Variants in GAL observed in about 807,000 individuals in gnomAD.
GAL encodes galanin peptides.
Under a neutral mutation model 15.8 loss-of-function variants are expected in GAL, and 14 were observed. The observed-to-expected ratio is 0.89, with a 90% confidence interval of 0.59 to 1.39. The LOEUF is 1.39. Ranked by LOEUF, GAL falls within the 40% of genes most tolerant of loss-of-function variation. The pLI is 0.00. For missense variants in GAL, 176 were observed against 170.4 expected, an observed-to-expected ratio of 1.03 and a Z score of -0.18; for synonymous variants, 79 against 73.8, an observed-to-expected ratio of 1.07 and a Z score of -0.36.
chr11:68,690,881 G>T, intron 5 of GAL, 36 bp from the exon 6 acceptor site: 1 of 1,386,742 alleles, frequency 7.2e-7, no homozygotes, highest in Non-Finnish European at 1.0e-6. Flanking sequence ...TGCATATTAA[G>T]AAGTTGCTGC....
intron 5 of GAL, among the ~76,000 whole-genome samples, 194 bp downstream of exon 5, chr11:68,689,120 G>A (rs1326568671): frequency 6.6e-6 from 1 of 152,118 alleles, no homozygotes; most frequent in South Asian, 2.1e-4. Context: ...CTGGGATTGC[G>A]GCAGGGGCAT....
At position 68,690,939 on chromosome 11, in the gene GAL, C is replaced by G. The variant is rs953353600; in HGVS notation, c.324C>G (p.Leu108=). The G allele has an allele frequency of 4.3e-6, 7 of 1,613,284 alleles. No homozygotes were observed. Among genetic ancestry groups the G allele is most frequent in the Non-Finnish European group, 5.1e-6 (6 of 1,179,628 alleles). Residue 108 remains leucine (L), a synonymous_variant, in exon 6 of 6, where the codon CTC becomes CTG. Coordinates refer to ENST00000265643, the MANE Select transcript of GAL (RefSeq NM_015973.5). ...CAGAGGCCGGTGCCCTCGACCGCCT[C>G]CTGGATCTCCCCGCCGCAGCCTCCT... The part of the protein sequence containing the change: ...HLKEAGALDR[L]LDLPAAASSE...
chr11:68,690,664 T>C (rs980523477), intron 5 of GAL, among the ~76,000 whole-genome samples: 7 of 152,208 alleles, frequency 4.6e-5, no homozygotes, highest in Non-Finnish European at 8.8e-5. Flanking sequence ...CAGCTCTCAT[T>C]ACTCAGCTAG....
chr11:68,685,756 C>G (rs1945846796), intron 3 of GAL, 108 bp downstream of exon 3: 1 of 749,530 alleles, frequency 1.3e-6, no homozygotes, highest in South Asian at 1.5e-5. Context: ...TCTGGCCTCC[C>G]TCTTGACCTC....
chr11:68,688,912 T>A lies in GAL; in HGVS notation c.287T>A (p.Phe96Tyr), dbSNP rs1945879837. 5.3e-6 allele frequency: 8 copies of A among 1,518,848 alleles called. No homozygotes were observed. The highest frequency in any genetic ancestry group is 7.3e-6 in the Non-Finnish European group (8 of 1,093,198). 94.1% of individuals were successfully genotyped at this position (1,518,848 alleles called of 1,614,324 possible). A position where few individuals can be genotyped will look rare whatever the true frequency, so the allele number is the denominator to read the frequency against. ...CGCACAATCATTGAGTTTCTGTCTT[T>A]CTTGCATCTCAAAGGTATGTGAAAT... ...IMRTIIEFLS[F>Y]LHLKEAGALD... The change falls in exon 5 of 6, where the codon TTC (phenylalanine) becomes TAC (tyrosine). Residue 96 changes from phenylalanine to tyrosine, a missense_variant. Phe to Tyr is a conservative substitution (Grantham distance 22). Transcript: ENST00000265643.
chr11:68,685,469 G>A (rs1945842835), intron 2 of GAL, 125 bp from the exon 3 acceptor site: 2 of 695,618 alleles, frequency 2.9e-6, no homozygotes, highest in South Asian at 1.5e-5. Context: ...CTGGAATTTC[G>A]CGAGCTATCC....
chr11:68,685,684 C>T (rs756164130), intron 3 of GAL, 36 bp downstream of exon 3: 12 of 1,472,032 alleles, frequency 8.2e-6, no homozygotes, highest in African/African-American at 2.8e-5. Flanking sequence ...CCACTCCTGA[C>T]CCCACCTGCC....
intron 3 of GAL, among the ~76,000 whole-genome samples, chr11:68,687,633 T>A (rs903683870): frequency 2.0e-5 from 3 of 152,156 alleles, no homozygotes; most frequent in African/African-American, 7.2e-5. Context: ...AGGACCCAGC[T>A]CCTGTTGTCT....
rs1469538568 is a variant in GAL at position 68,684,839 on chromosome 11, C to G, written c.1-85C>G. The G allele has an allele frequency of 4.9e-6, 4 of 812,650 alleles. No individual in the cohort carries two copies. The East Asian group carries it at 1.1e-4, about 22-fold the overall frequency. 50.3% of individuals were successfully genotyped at this position (812,650 alleles called of 1,614,324 possible). ...GGCCCTGGCCCGGCCGCCGCCTCTG[C>G]TCCTCCCCGCAGCCCCGGCACTCCT... On this transcript the variant is annotated intron_variant, in intron 1 of 5. Coordinates refer to ENST00000265643, the MANE Select transcript of GAL (RefSeq NM_015973.5).
chr11:68,688,618 G>A (rs1299686369), intron 4 of GAL, among the ~76,000 whole-genome samples: 2 of 152,180 alleles, frequency 1.3e-5, no homozygotes, highest in Non-Finnish European at 2.9e-5. Context: ...AACAGAGTGA[G>A]ACTCCATCTC....
At chr11:68,690,327 A>T (rs1314572481) in intron 5 of GAL, among the ~76,000 whole-genome samples, 1 of 152,198 alleles carries the variant, frequency 6.6e-6, no homozygotes, top group African/African-American at 2.4e-5. Flanking sequence ...TTGAAAAATC[A>T]AGGCTAATCC....
intron 3 of GAL, among the ~76,000 whole-genome samples, 187 bp from the exon 4 acceptor site, chr11:68,687,827 G>A (rs901965500): frequency 2.6e-5 from 4 of 152,064 alleles, no homozygotes; most frequent in Non-Finnish European, 5.9e-5. Context: ...TGGTGTGAGC[G>A]GCCAAGCTCT....
intron 3 of GAL, 126 bp downstream of exon 3, chr11:68,685,774 G>A (rs891762641): frequency 2.0e-4 from 140 of 713,586 alleles, no homozygotes; most frequent in Admixed American, 6.1e-4. Context: ...CTCATTGCCC[G>A]TCTCCATTGC....
chr11:68,689,183 GC>G (rs763482841), intron 5 of GAL, among the ~76,000 whole-genome samples: 34 of 152,178 alleles, frequency 2.2e-4, no homozygotes, highest in Non-Finnish European at 2.5e-4. Flanking sequence ...AAGAGAGTGG[GC>G]CTCAGGGTGC....
chr11:68,690,475 C>T (rs3136541), intron 5 of GAL, among the ~76,000 whole-genome samples: 93,415 of 151,938 alleles, frequency 0.61, 30,051 homozygotes, highest in East Asian at 0.78. Context: ...TTGGAAAAGG[C>T]GGTGTTCATT....
Position 68,691,151 on chromosome 11 carries a change from GT to G in GAL, c.*165del, listed in dbSNP as rs1200954767. The G allele has an allele frequency of 5.2e-6, 3 of 580,678 alleles. No individual in the cohort carries two copies. In the African/African-American group the frequency reaches 5.6e-5, roughly 11 times the overall value. 36.0% of individuals were successfully genotyped at this position (580,678 alleles called of 1,614,324 possible). On this transcript the variant is annotated 3_prime_UTR_variant, in exon 6 of 6. Coordinates refer to ENST00000265643, the MANE Select transcript of GAL (RefSeq NM_015973.5). ...TTTTTTTTTTTGGTAATTATTTTGA[GT>G]GGCAAAATAAAGAATAGCAATTACT...
intron 3 of GAL, among the ~76,000 whole-genome samples, chr11:68,686,541 G>A (rs569118652): frequency 1.3e-5 from 2 of 152,302 alleles, no homozygotes; most frequent in African/African-American, 2.4e-5. Flanking sequence ...TCCCAGAGTC[G>A]AATACAGCTT....
Position 68,684,949 on chromosome 11 carries a change from T to C in GAL, c.26T>C (p.Leu9Pro). MARGSALLLASLLLAAALS... is the reference protein window; with the variant it reads MARGSALLPASLLLAAALS... ...ATGGCCCGAGGCAGCGCCCTCCTGC[T>C]CGCCTCCCTCCTCCTCGCCGCGGCC... The change falls in exon 2 of 6, where the codon CTC becomes CCC. Residue 9 changes from leucine to proline, a missense_variant. Coordinates refer to ENST00000265643, the MANE Select transcript of GAL (RefSeq NM_015973.5). 6.2e-7 allele frequency: 1 copy of C among 1,609,354 alleles called. No homozygotes were observed. Among genetic ancestry groups the C allele is most frequent in the South Asian group, 1.1e-5 (1 of 90,464 alleles).
chr11:68,690,623 G>A (rs1945896031), intron 5 of GAL, among the ~76,000 whole-genome samples: 3 of 152,130 alleles, frequency 2.0e-5, no homozygotes, highest in African/African-American at 7.2e-5. Context: ...TTTTAATTTT[G>A]TAACATGGAA....
Sources: gnomAD v4.1 joint callset for allele counts (sites outside exome capture counted in the v4.1 genomes callset) on GRCh38, gnomAD v4.1.1 for gene constraint, MANE v1.5 for transcripts, NCBI Gene and HGNC (gene_info 2026-07-23, HGNC 2026-07-21) for gene names.